Variants in DLD observed in about 807,000 individuals in gnomAD.
DLD encodes dihydrolipoamide dehydrogenase.
In DLD, 36 loss-of-function variants were observed where a neutral mutation model predicts 62.2. The observed-to-expected ratio is 0.58, with a 90% CI of 0.44 to 0.76. The LOEUF (loss-of-function observed/expected upper bound fraction) is 0.76. DLD is among the 30% of genes least tolerant of loss of function. The probability of loss-of-function intolerance (pLI) is 0.00; values close to 1 mark genes in which losing one functional copy is unlikely to be tolerated. For missense variants in DLD, 541 were observed against 608.6 expected (o/e 0.89, Z 1.17); for synonymous variants, 204 against 199.6 (o/e 1.02, Z -0.19).
At position 107,919,356 on chromosome 7, in the gene DLD, T is replaced by G. The variant is rs2032353755; in HGVS notation, c.*97T>G. ...ATATTCTCACAGCTCCAAGAATTTC[T>G]AGGACTGAATTATGAAACTTTTGGA... On this transcript the variant is annotated 3_prime_UTR_variant, in exon 14 of 14. Coordinates refer to ENST00000205402, the MANE Select transcript of DLD (RefSeq NM_000108.5). 2 of 990,682 alleles carry G rather than the reference T, an allele frequency of 2.0e-6. No homozygotes were observed. Among genetic ancestry groups the G allele is most frequent in the South Asian group, 2.8e-5 (2 of 70,864 alleles). 61.4% of individuals were successfully genotyped at this position (990,682 alleles called of 1,614,324 possible).
intron 8 of DLD, among the ~76,000 whole-genome samples, chr7:107,912,178 G>A (rs1311609220): frequency 4.6e-5 from 7 of 151,800 alleles, no homozygotes; most frequent in African/African-American, 1.7e-4. Context: ...TCTTTTTTAT[G>A]GCTGAATAAT....
At chr7:107,895,630 A>T (rs904073066) in intron 2 of DLD, among the ~76,000 whole-genome samples, 5 of 152,218 alleles carry the variant, frequency 3.3e-5, no homozygotes, top group African/African-American at 1.2e-4. Flanking sequence ...CCCAGCTTTT[A>T]TAGAGCTTAC....
intron 4 of DLD, 22 bp downstream of exon 4, chr7:107,902,415 C>T (rs757940949): frequency 1.9e-6 from 3 of 1,609,602 alleles, no homozygotes; most frequent in African/African-American, 2.7e-5. Context: ...TTTTGTACAG[C>T]ACAGAGATTG....
chr7:107,919,134 C>T, intron 13 of DLD, 35 bp downstream of exon 13: 1 of 1,611,912 alleles, frequency 6.2e-7, no homozygotes, highest in Non-Finnish European at 8.5e-7. Flanking sequence ...TGATGGTTGC[C>T]TAAATTTTCT....
chr7:107,917,927 A>T lies in DLD; in HGVS notation c.1240A>T (p.Ile414Phe), dbSNP rs2032310099. The T allele has an allele frequency of 6.2e-7, 1 of 1,614,006 alleles. No individual in the cohort carries two copies. Among genetic ancestry groups the T allele is most frequent in the African/African-American group, 1.3e-5 (1 of 75,036 alleles). ...KSEEQLKEEGIEYKVGKFPFA... is the reference protein window; with the variant it reads ...KSEEQLKEEGFEYKVGKFPFA... ...TCTTTTTTTCTGACTGTCACAGGGT[A>T]TTGAGTACAAAGTTGGGAAATTCCC... is the stretch of plus-strand genomic sequence containing the variant. The change falls in exon 12 of 14, where the codon ATT becomes TTT. Residue 414 changes from isoleucine (I) to phenylalanine (F), a missense_variant. Coordinates refer to ENST00000205402, the MANE Select transcript of DLD (RefSeq NM_000108.5).
rs1381413555 is a variant in DLD, at chr7:107,919,196, C to A, written c.1467C>A (p.Thr489=). 10 of 1,613,244 alleles carry A rather than the reference C, an allele frequency of 6.2e-6. No individual in the cohort carries two copies. The highest frequency in any genetic ancestry group is 8.5e-6 in the Non-Finnish European group (10 of 1,179,584). Residue 489 remains threonine (T), a splice_region_variant and synonymous_variant, in exon 14 of 14, where the codon ACC becomes ACA. Coordinates refer to ENST00000205402, the MANE Select transcript of DLD (RefSeq NM_000108.5). ...DIARVCHAHP[T]LSEAFREANL... Reference sequence around the variant, plus strand: ...ATTTTAAATTTCTTCCCTTGCAGACCTTATCAGAAGCTTTTAGAGAAGCAA... The same window carrying A: ...ATTTTAAATTTCTTCCCTTGCAGACATTATCAGAAGCTTTTAGAGAAGCAA...
chr7:107,918,483 G>A (rs540491592), intron 12 of DLD, among the ~76,000 whole-genome samples: 1 of 152,200 alleles, frequency 6.6e-6, no homozygotes, highest in East Asian at 1.9e-4. Flanking sequence ...TAGGGCCTTT[G>A]TGCTTAAGAT....
chr7:107,906,165 A>G (rs1290828794), intron 7 of DLD, 102 bp from the exon 8 acceptor site: 1 of 684,684 alleles, frequency 1.5e-6, no homozygotes, highest in Non-Finnish European at 2.6e-6. Context: ...TTTTCAATTA[A>G]TGGTTGGTTA....
At chr7:107,891,136 C>G, upstream of DLD, 1 of 1,361,574 alleles carries the variant, frequency 7.3e-7, no homozygotes, top group Non-Finnish European at 1.0e-6. Context: ...GCGCTGCTCC[C>G]GGGTGATGAC....
chr7:107,902,485 T>A, intron 4 of DLD, 92 bp downstream of exon 4: 1 of 1,085,486 alleles, frequency 9.2e-7, no homozygotes, highest in Non-Finnish European at 1.4e-6. Context: ...AATACACTTG[T>A]TAAAAAACAA....
At chr7:107,918,766 C>T (rs2032330989) in intron 12 of DLD, among the ~76,000 whole-genome samples, 1 of 152,154 alleles carries the variant, frequency 6.6e-6, no homozygotes, top group African/African-American at 2.4e-5. Context: ...CTGAATGAAG[C>T]ACAAAGAACC....
rs1214235686 is a variant in DLD, at chr7:107,919,955, TTAAA to T, written c.*699_*702del. ...GAATGAAGATACTGAAATAAACGTC[TTAAA>T]TATTCATTTACTGGTTATCATGAGT... On this transcript the variant is annotated 3_prime_UTR_variant, in exon 14 of 14. Transcript: ENST00000205402. 1 of 152,446 alleles carries T rather than the reference TTAAA, an allele frequency of 6.6e-6. No homozygotes were observed. 9.4% of individuals were successfully genotyped at this position (152,446 alleles called of 1,614,324 possible).
At chr7:107,916,205 C>T (rs1419815906) in intron 9 of DLD, among the ~76,000 whole-genome samples, 1 of 152,124 alleles carries the variant, frequency 6.6e-6, no homozygotes, top group Non-Finnish European at 1.5e-5. Flanking sequence ...TAGTGGGTGG[C>T]AGTCAGTAGT....
intron 2 of DLD, among the ~76,000 whole-genome samples, chr7:107,895,591 G>C (rs1356399486): frequency 6.6e-6 from 1 of 152,142 alleles, no homozygotes; most frequent in Non-Finnish European, 1.5e-5. Flanking sequence ...CTAACTACTG[G>C]AGTACCGCAG....
chr7:107,901,002 A>G (rs1320463967), intron 2 of DLD, among the ~76,000 whole-genome samples: 5 of 152,176 alleles, frequency 3.3e-5, no homozygotes, highest in Non-Finnish European at 1.5e-5. Flanking sequence ...ATACTGATCA[A>G]AATTAATTTT....
intron 2 of DLD, among the ~76,000 whole-genome samples, chr7:107,895,370 A>G (rs1264385579): frequency 6.6e-6 from 1 of 152,232 alleles, no homozygotes; most frequent in African/African-American, 2.4e-5. Flanking sequence ...ACAACATCTG[A>G]GAGATGTCTG....
chr7:107,897,613 C>CT (rs2031760665), intron 2 of DLD, among the ~76,000 whole-genome samples: 1 of 133,260 alleles, frequency 7.5e-6, no homozygotes, highest in African/African-American at 2.9e-5. Flanking sequence ...TGGTCTCACT[C>CT]TATCATGCAA....
chr7:107,903,632 C>T (rs1340578791), intron 5 of DLD, 85 bp downstream of exon 5: 21 of 734,650 alleles, frequency 2.9e-5, no homozygotes, highest in Middle Eastern at 2.4e-4. Flanking sequence ...GTCTAACGTA[C>T]GCATAATAGA....
At chr7:107,913,941 AT>A (rs1332376939) in intron 8 of DLD, among the ~76,000 whole-genome samples, 3 of 152,082 alleles carry the variant, frequency 2.0e-5, no homozygotes, top group Non-Finnish European at 4.4e-5. Context: ...GGGATATTGA[AT>A]TTTTATTAAA....
Sources: gnomAD v4.1 joint callset for allele counts (sites outside exome capture counted in the v4.1 genomes callset) on GRCh38, gnomAD v4.1.1 for gene constraint, MANE v1.5 for transcripts, NCBI Gene and HGNC (gene_info 2026-07-23, HGNC 2026-07-21) for gene names.